The following SPAG16 variants were observed in gnomAD, a reference collection of about 807,000 sequenced individuals.
The protein encoded by SPAG16 is sperm associated antigen 16.
Under a neutral mutation model 80.4 loss-of-function variants are expected in SPAG16, and 86 were observed. That is an observed-to-expected ratio of 1.07 (90% CI 0.90 to 1.28). The LOEUF (loss-of-function observed/expected upper bound fraction) is 1.28. Ranked by LOEUF, SPAG16 falls within the 50% of genes most tolerant of loss-of-function variation. The pLI is 0.00. For synonymous variants in SPAG16, 294 were observed against 265.9 expected, an observed-to-expected ratio of 1.11 and a Z score of -1.03; for missense variants, 870 against 765.3, an observed-to-expected ratio of 1.14 and a Z score of -1.61.
intron 10 of SPAG16, among the ~76,000 whole-genome samples, chr2:213,540,578 A>C (rs2076411517): frequency 6.6e-6 from 1 of 152,054 alleles, no homozygotes; most frequent in South Asian, 2.1e-4. Context: ...CTCAGCCTTT[A>C]GTTAATTGCT....
At chr2:213,538,422 A>G (rs2076320306) in intron 10 of SPAG16, among the ~76,000 whole-genome samples, 1 of 152,138 alleles carries the variant, frequency 6.6e-6, no homozygotes, top group African/African-American at 2.4e-5. Flanking sequence ...TGCCTCAGGA[A>G]TGAGTAGTAT....
At chr2:213,450,766 A>G (rs139216978) in intron 9 of SPAG16, among the ~76,000 whole-genome samples, 19 of 152,290 alleles carry the variant, frequency 1.2e-4, no homozygotes, top group African/African-American at 3.8e-4. Flanking sequence ...GTATGTTTTA[A>G]TCAATATTCA....
At chr2:213,889,059 C>T (rs368282311) in intron 11 of SPAG16, among the ~76,000 whole-genome samples, 1 of 151,634 alleles carries the variant, frequency 6.6e-6, no homozygotes, top group Admixed American at 6.6e-5. Context: ...TTTTAAAGGC[C>T]ATATTGTAAA....
intron 10 of SPAG16, among the ~76,000 whole-genome samples, chr2:213,624,446 G>A (rs1430837664): frequency 6.6e-6 from 1 of 152,076 alleles, no homozygotes; most frequent in Non-Finnish European, 1.5e-5. Context: ...ACTAGATACT[G>A]ATGCTTCAGG....
intron 11 of SPAG16, among the ~76,000 whole-genome samples, chr2:213,907,144 G>A (rs76896398): frequency 0.02 from 3,083 of 151,932 alleles, 98 homozygotes; most frequent in African/African-American, 0.067. Flanking sequence ...AACATACAAG[G>A]GATTCAAAGG....
intron 12 of SPAG16, among the ~76,000 whole-genome samples, chr2:213,982,686 A>G (rs6435808): frequency 0.44 from 65,543 of 150,302 alleles, 14,842 homozygotes; most frequent in South Asian, 0.66. Flanking sequence ...ATACTACGGT[A>G]TATTTGAGAT....
intron 11 of SPAG16, among the ~76,000 whole-genome samples, chr2:213,928,171 T>C (rs995984688): frequency 5.3e-5 from 8 of 151,992 alleles, no homozygotes; most frequent in Non-Finnish European, 1.2e-4. Flanking sequence ...CTGCAACCTC[T>C]GCCTTCCGGG....
intron 13 of SPAG16, among the ~76,000 whole-genome samples, chr2:214,022,908 T>C (rs2047949235): frequency 6.6e-6 from 1 of 152,030 alleles, no homozygotes; most frequent in Non-Finnish European, 1.5e-5. Flanking sequence ...CTCCAAGTTA[T>C]TGCCAAATTC....
intron 15 of SPAG16, among the ~76,000 whole-genome samples, chr2:214,270,694 A>C (rs532324589): frequency 1.9e-4 from 29 of 152,234 alleles, no homozygotes; most frequent in Non-Finnish European, 3.8e-4. Flanking sequence ...CCTGAAATGC[A>C]TATGCTTGAT....
At chr2:214,154,510 C>T (rs869254140) in intron 15 of SPAG16, among the ~76,000 whole-genome samples, 2 of 93,302 alleles carry the variant, frequency 2.1e-5, no homozygotes, top group Non-Finnish European at 4.5e-5. Context: ...CCCCCCCCCC[C>T]ATTTTTTCAT....
chr2:214,135,962 T>C (rs1189087022), intron 14 of SPAG16, among the ~76,000 whole-genome samples: 1 of 152,086 alleles, frequency 6.6e-6, no homozygotes, highest in Non-Finnish European at 1.5e-5. Flanking sequence ...ACAAGAAGTA[T>C]GGTGCTGTCA....
At chr2:213,825,753 G>A (rs1446802658) in intron 10 of SPAG16, among the ~76,000 whole-genome samples, 2 of 130,478 alleles carry the variant, frequency 1.5e-5, no homozygotes, top group South Asian at 4.8e-4. Context: ...TAGGTATCAT[G>A]GTTAACAGTG....
At position 213,288,811 on chromosome 2, in the gene SPAG16, A is replaced by G. The variant is rs1424819250; in HGVS notation, c.136+4192A>G. Among the ~76,000 whole-genome samples, 6 of 152,268 alleles carry G rather than the reference A, an allele frequency of 3.9e-5. No homozygotes were observed. The East Asian group carries it at 1.2e-3, about 29-fold the overall frequency. ...GGTACTTCTCTGAAATGTTTGTAGT[A>G]TTATAATTGTTCTGAACCCTAAAGT... On this transcript the variant is annotated intron_variant, in intron 1 of 15. Transcript: ENST00000331683.
Position 214,141,801 on chromosome 2 carries a change from G to T in SPAG16, c.1594-7339G>T, listed in dbSNP as rs112011689. On this transcript the variant is annotated intron_variant, in intron 14 of 15. Transcript: ENST00000331683. The stretch of plus-strand genomic sequence containing the variant: ...GTAATCTGTCATTTTTCACTTGTAG[G>T]TAAATATCTCTTCGTCCATAATATC... 8.3e-3 allele frequency among the ~76,000 whole-genome samples: 1,268 copies of T among 152,084 alleles called. 27 individuals carry two copies. The highest frequency in any genetic ancestry group is 0.029 in the African/African-American group (1,196 of 41,502).
intron 15 of SPAG16, among the ~76,000 whole-genome samples, chr2:214,229,055 C>CAA (rs1559142089): frequency 6.6e-6 from 1 of 151,212 alleles, no homozygotes. Context: ...ATTCTTTCAA[C>CAA]AAGTATTATA....
intron 13 of SPAG16, among the ~76,000 whole-genome samples, chr2:214,051,175 A>G (rs974673962): frequency 1.3e-5 from 2 of 152,212 alleles, no homozygotes; most frequent in African/African-American, 4.8e-5. Context: ...TTACCCTTTC[A>G]AGGACGACGT....
At chr2:213,404,839 T>TA (rs2068525023) in intron 9 of SPAG16, among the ~76,000 whole-genome samples, 3 of 149,260 alleles carry the variant, frequency 2.0e-5, no homozygotes, top group African/African-American at 7.8e-5. Flanking sequence ...TTTGATTCTT[T>TA]AAAATTTTTT....
chr2:214,247,679 T>A (rs1309274243), intron 15 of SPAG16, among the ~76,000 whole-genome samples: 1 of 152,094 alleles, frequency 6.6e-6, no homozygotes, highest in Non-Finnish European at 1.5e-5. Flanking sequence ...ACTAGGTATA[T>A]GGGAGGACAG....
At chr2:213,292,490 C>T (rs2062318263) in intron 1 of SPAG16, among the ~76,000 whole-genome samples, 1 of 151,080 alleles carries the variant, frequency 6.6e-6, no homozygotes, top group Admixed American at 6.6e-5. Context: ...CGGTGAAACC[C>T]CGTCTCTACT....
Sources: allele counts gnomAD v4.1 joint callset (sites outside exome capture counted in the v4.1 genomes callset), GRCh38; gene constraint gnomAD v4.1.1; transcripts MANE v1.5; gene names NCBI Gene and HGNC (gene_info 2026-07-23, HGNC 2026-07-21).